Variants in TTC8 observed in about 807,000 individuals in gnomAD.
TTC8 encodes the protein tetratricopeptide repeat protein 8.
TTC8 carries 47 observed loss-of-function variants against 72.5 expected under a neutral mutation model. The observed-to-expected ratio is 0.65, with a 90% CI of 0.51 to 0.83. TTC8 has a LOEUF of 0.83. Ranked by LOEUF, TTC8 falls within the 40% of genes least tolerant of loss-of-function variation. The pLI is 0.00. For synonymous variants in TTC8, 199 were observed against 221.4 expected, an observed-to-expected ratio of 0.90 and a Z score of 0.90; for missense variants, 611 against 623.2, an observed-to-expected ratio of 0.98 and a Z score of 0.21.
chr14:88,877,145 T>C (rs2141049073), intron 14 of TTC8, 149 bp from the exon 15 acceptor site: 1 of 641,226 alleles, frequency 1.6e-6, no homozygotes, highest in Non-Finnish European at 2.8e-6. Context: ...CTTTGAGTTA[T>C]GATGTTAGTT....
chr14:88,858,387 T>C (rs963205108), intron 9 of TTC8, among the ~76,000 whole-genome samples: 1 of 152,074 alleles, frequency 6.6e-6, no homozygotes, highest in African/African-American at 2.4e-5. Flanking sequence ...AATTAAAAAA[T>C]GTGGTAAAGG....
At chr14:88,839,378 A>G in intron 2 of TTC8, 74 bp from the exon 3 acceptor site, 1 of 1,458,212 alleles carries the variant, frequency 6.9e-7, no homozygotes, top group Non-Finnish European at 9.5e-7. Flanking sequence ...ACAATGAAGG[A>G]TGGCTATTTC....
At chr14:88,827,431 ATTTG>A (rs773003391) in intron 1 of TTC8, among the ~76,000 whole-genome samples, 1 of 152,004 alleles carries the variant, frequency 6.6e-6, no homozygotes, top group Admixed American at 6.5e-5. Flanking sequence ...AATAATTTTT[ATTTG>A]TTTTATTTGT....
downstream of TTC8, chr14:88,879,191 G>C (rs1382859896): frequency 3.3e-5 from 5 of 152,164 alleles, no homozygotes; most frequent in Admixed American, 2.0e-4. Context: ...AGTCACAGTG[G>C]CTCAGGGCAG....
At chr14:88,834,964 G>A (rs1477397770) in intron 2 of TTC8, among the ~76,000 whole-genome samples, 1 of 152,158 alleles carries the variant, frequency 6.6e-6, no homozygotes, top group Non-Finnish European at 1.5e-5. Context: ...ATACAAAAGG[G>A]AACAAGGCTG....
At chr14:88,826,303 G>A (rs1044902498) in intron 1 of TTC8, among the ~76,000 whole-genome samples, 3 of 151,666 alleles carry the variant, frequency 2.0e-5, no homozygotes, top group Non-Finnish European at 4.4e-5. Flanking sequence ...ATGTGTTTTT[G>A]GCATAGTAAT....
At chr14:88,828,166 A>T (rs1426691549) in intron 1 of TTC8, among the ~76,000 whole-genome samples, 1 of 150,678 alleles carries the variant, frequency 6.6e-6, no homozygotes, top group African/African-American at 2.4e-5. Context: ...GGCATTCTTA[A>T]TTCTTGTTTT....
chr14:88,871,476 A>AAT lies in TTC8; in HGVS notation c.1050-60_1050-59dup, dbSNP rs10659725. On this transcript the variant is annotated intron_variant, in intron 11 of 14. Transcript: ENST00000380656. This position sits in a 1 kb window ranked among gnomAD's most constrained non-coding sequence, Gnocchi z 4.1. Reference sequence around the variant, plus strand: ...GATGAATTCATTTTTAACTGTGTAAAATATATATATATATGTCTTAAAACT... The same window carrying AAT: ...GATGAATTCATTTTTAACTGTGTAAAATATATATATATATATGTCTTAAAACT... 0.039 allele frequency: 49,202 copies of AAT among 1,267,148 alleles called. 3,483 individuals are homozygous for AAT. The highest frequency in any genetic ancestry group is 0.28 in the African/African-American group (18,540 of 65,234). The allele number at this position is 1,267,148 out of a possible 1,614,324, so 78.5% of individuals were successfully genotyped here.
intron 10 of TTC8, among the ~76,000 whole-genome samples, chr14:88,862,960 A>T (rs972745580): frequency 6.6e-6 from 1 of 150,854 alleles, no homozygotes; most frequent in Non-Finnish European, 1.5e-5. Flanking sequence ...TCTTGTTTAC[A>T]GTTGGTTTTC....
intron 9 of TTC8, 91 bp from the exon 10 acceptor site, chr14:88,861,131 G>C (rs2094884114): frequency 1.0e-6 from 1 of 982,592 alleles, no homozygotes; most frequent in South Asian, 1.4e-5. Flanking sequence ...ATATCTAGGA[G>C]ATAATTTGTT....
At chr14:88,846,678 A>G (rs935343776) in intron 7 of TTC8, 25 of 1,416,462 alleles carry the variant, frequency 1.8e-5, no homozygotes, top group Non-Finnish European at 1.9e-5. Context: ...AAAAAAATGT[A>G]AGATTTATTC....
chr14:88,830,650 A>G (rs1298502926), intron 1 of TTC8, among the ~76,000 whole-genome samples: 2 of 152,202 alleles, frequency 1.3e-5, no homozygotes, highest in African/African-American at 4.8e-5. Context: ...CTGAGGATCA[A>G]GCCTAGCCCA....
chr14:88,829,915 G>A (rs1007007085), intron 1 of TTC8, among the ~76,000 whole-genome samples: 1 of 152,116 alleles, frequency 6.6e-6, no homozygotes, highest in Non-Finnish European at 1.5e-5. Flanking sequence ...GGGCCATGGA[G>A]ACTTAGCCAG....
intron 1 of TTC8, among the ~76,000 whole-genome samples, chr14:88,828,525 C>T (rs550570283): frequency 2.9e-4 from 44 of 152,250 alleles, no homozygotes; most frequent in African/African-American, 1.0e-3. Flanking sequence ...ATTTGAAACT[C>T]CTGGACACAT....
At position 88,843,821 on chromosome 14, in the gene TTC8, A is replaced by C. The variant is rs1212931793; in HGVS notation, c.595A>C (p.Ile199Leu). The C allele has an allele frequency of 1.3e-6, 2 of 1,596,394 alleles. No individual in the cohort carries two copies. The highest frequency in any genetic ancestry group is 1.7e-6 in the Non-Finnish European group (2 of 1,169,192). The change falls in exon 7 of 15, where the codon ATC becomes CTC. Residue 199 changes from isoleucine (I) to leucine (L), a missense_variant. Transcript: ENST00000380656. The part of the protein sequence containing the change: ...PKLAKALFEY[I>L]FHHENDVKTA... ...TTCTTCACAGGCTTTGTTTGAGTATATCTTTCATCATGAAAATGATGTTAA... is the reference window on the plus strand; with the variant it reads ...TTCTTCACAGGCTTTGTTTGAGTATCTCTTTCATCATGAAAATGATGTTAA...
intron 7 of TTC8, among the ~76,000 whole-genome samples, chr14:88,852,029 C>T (rs1193945621): frequency 2.0e-5 from 3 of 152,082 alleles, no homozygotes; most frequent in Non-Finnish European, 4.4e-5. Flanking sequence ...TTTAACTGAG[C>T]TCTTGGATAT....
chr14:88,854,313 C>T (rs1162064172), intron 8 of TTC8, among the ~76,000 whole-genome samples: 1 of 152,170 alleles, frequency 6.6e-6, no homozygotes, highest in Non-Finnish European at 1.5e-5. Context: ...TTAAATTATC[C>T]TTCTTTTCTG....
At chr14:88,850,993 T>C (rs1373813197) in intron 7 of TTC8, among the ~76,000 whole-genome samples, 1 of 152,174 alleles carries the variant, frequency 6.6e-6, no homozygotes, top group Non-Finnish European at 1.5e-5. Flanking sequence ...TACAAGTCAT[T>C]GGTGGGTTTT....
chr14:88,841,348 AT>A, intron 5 of TTC8, 76 bp from the exon 6 acceptor site: 1 of 1,596,422 alleles, frequency 6.3e-7, no homozygotes, highest in Non-Finnish European at 8.6e-7. Context: ...TTGCCTTTAT[AT>A]TTTTATGCAT....
Sources: allele counts gnomAD v4.1 joint callset (sites outside exome capture counted in the v4.1 genomes callset), GRCh38; gene constraint gnomAD v4.1.1; non-coding constraint Gnocchi (gnomAD v3.1); transcripts MANE v1.5; gene names NCBI Gene and HGNC (gene_info 2026-07-23, HGNC 2026-07-21).